The following FAM107B variants were observed in gnomAD, a reference collection of about 807,000 sequenced individuals.
FAM107B encodes family with sequence similarity 107 member B.
A neutral mutation model predicts 31.5 loss-of-function variants in FAM107B; 21 were observed. The ratio of observed to expected loss-of-function variants is 0.67; its 90% confidence interval spans 0.47 to 0.96. The LOEUF (loss-of-function observed/expected upper bound fraction) is 0.96. FAM107B is among the 40% of genes least tolerant of loss of function. The probability of loss-of-function intolerance (pLI) is 0.00; values close to 1 mark genes in which losing one functional copy is unlikely to be tolerated. For missense variants in FAM107B, 452 were observed against 377.1 expected (o/e 1.20, Z -1.64); for synonymous variants, 157 against 141.5 (o/e 1.11, Z -0.78).
rs146635770 is a variant in FAM107B, at chr10:14,743,085, C to T, written c.411+31168G>A. Among the ~76,000 whole-genome samples, 2 of 152,288 alleles carry T rather than the reference C, an allele frequency of 1.3e-5. 1 individual carries two copies. The highest frequency in any genetic ancestry group is 2.9e-5 in the Non-Finnish European group (2 of 68,030). Reference sequence around the variant, plus strand: ...CCTTCACTGGCATTAGATGGTCTCTCATTGTGGTTTTGATTTACATTTCTC... The same window carrying T: ...CCTTCACTGGCATTAGATGGTCTCTTATTGTGGTTTTGATTTACATTTCTC... On this transcript the variant is annotated intron_variant, in intron 1 of 4. Coordinates refer to ENST00000181796, the MANE Select transcript of FAM107B (RefSeq NM_031453.4).
At chr10:14,772,913 C>T (rs779303147) in intron 1 of FAM107B, among the ~76,000 whole-genome samples, 2 of 152,176 alleles carry the variant, frequency 1.3e-5, no homozygotes, top group Non-Finnish European at 2.9e-5. Context: ...TAAGGTGGGT[C>T]TGCATTGCTC....
chr10:14,593,462 G>T (rs1184458581), intron 2 of FAM107B, among the ~76,000 whole-genome samples: 1 of 152,144 alleles, frequency 6.6e-6, no homozygotes, highest in South Asian at 2.1e-4. Flanking sequence ...CGGATCACTT[G>T]AGGCCAGGAA....
intron 1 of FAM107B, among the ~76,000 whole-genome samples, chr10:14,676,549 T>A (rs1012053014): frequency 3.9e-5 from 6 of 152,180 alleles, no homozygotes; most frequent in African/African-American, 1.4e-4. Flanking sequence ...CATCCCACAA[T>A]AAAAATTCAA....
chr10:14,707,350 CCCACAATGA>C (rs1458820922), intron 1 of FAM107B, among the ~76,000 whole-genome samples: 5 of 80,034 alleles, frequency 6.2e-5, no homozygotes, highest in African/African-American at 2.6e-4. Flanking sequence ...CAATTGCGTT[CCCACAATGA>C]CATTCTCAAA....
chr10:14,673,935 CT>C (rs1588697964), intron 1 of FAM107B, among the ~76,000 whole-genome samples: 1 of 152,072 alleles, frequency 6.6e-6, no homozygotes, highest in East Asian at 1.9e-4. Flanking sequence ...CTATTCCAAT[CT>C]TTTGCCTATT....
intron 2 of FAM107B, chr10:14,663,611 T>C (rs991902764): frequency 2.0e-5 from 3 of 152,358 alleles, no homozygotes; most frequent in African/African-American, 4.8e-5. Context: ...AATGGGCTAA[T>C]GTATCCATGA....
At chr10:14,665,679 C>T (rs1854385453) in intron 2 of FAM107B, among the ~76,000 whole-genome samples, 1 of 152,162 alleles carries the variant, frequency 6.6e-6, no homozygotes, top group African/African-American at 2.4e-5. Context: ...ATGTAAGCTC[C>T]ACCACTGCCC....
intron 2 of FAM107B, among the ~76,000 whole-genome samples, chr10:14,656,893 T>C (rs1854072562): frequency 6.6e-6 from 1 of 152,204 alleles, no homozygotes; most frequent in Non-Finnish European, 1.5e-5. Context: ...TTCTGGAAAG[T>C]TCCATGCCTC....
At chr10:14,637,100 G>A (rs554614723) in intron 2 of FAM107B, among the ~76,000 whole-genome samples, 51 of 152,158 alleles carry the variant, frequency 3.4e-4, no homozygotes, top group Non-Finnish European at 1.8e-4. Context: ...TCCTACTCAG[G>A]GCTCATGCAG....
At chr10:14,683,943 T>C (rs1267890901) in intron 1 of FAM107B, among the ~76,000 whole-genome samples, 1 of 152,212 alleles carries the variant, frequency 6.6e-6, no homozygotes, top group Non-Finnish European at 1.5e-5. Flanking sequence ...GAGAAGCGTG[T>C]CTTAGGCCAT....
chr10:14,600,780 C>T (rs752683059), intron 2 of FAM107B, among the ~76,000 whole-genome samples: 5 of 152,152 alleles, frequency 3.3e-5, no homozygotes, highest in Admixed American at 2.0e-4. Context: ...GCTGGGACTA[C>T]AGGCATGCAC....
chr10:14,589,165 G>C (rs1174018803), intron 2 of FAM107B, among the ~76,000 whole-genome samples: 1 of 143,924 alleles, frequency 6.9e-6, no homozygotes, highest in Non-Finnish European at 1.5e-5. Context: ...GACACACCGA[G>C]ACTGTCTCAA....
intron 1 of FAM107B, among the ~76,000 whole-genome samples, chr10:14,707,387 T>C (rs1855547025): frequency 7.6e-6 from 1 of 131,656 alleles, no homozygotes; most frequent in African/African-American, 2.9e-5. Context: ...AAAGAGGGAC[T>C]GCATCATCAC....
intron 2 of FAM107B, among the ~76,000 whole-genome samples, chr10:14,537,181 C>G (rs1847705935): frequency 6.6e-6 from 1 of 152,156 alleles, no homozygotes; most frequent in African/African-American, 2.4e-5. Flanking sequence ...CAGAGTGGAG[C>G]AGCCATGCCC....
At chr10:14,689,379 C>A (rs1489316416) in intron 1 of FAM107B, among the ~76,000 whole-genome samples, 10 of 128,702 alleles carry the variant, frequency 7.8e-5, no homozygotes, top group South Asian at 5.1e-4. Context: ...GACCCTATCT[C>A]AAAAAAAAAA....
intron 2 of FAM107B, among the ~76,000 whole-genome samples, chr10:14,532,239 A>G (rs7092817): frequency 0.12 from 18,585 of 152,002 alleles, 1,248 homozygotes; most frequent in Non-Finnish European, 0.16. Context: ...CTTTCCTCAA[A>G]TGTCACCTTC....
At chr10:14,737,906 T>C (rs1217817912) in intron 1 of FAM107B, among the ~76,000 whole-genome samples, 5 of 152,216 alleles carry the variant, frequency 3.3e-5, no homozygotes, top group South Asian at 2.1e-4. Flanking sequence ...GACGATGTTA[T>C]ACAATGTGCT....
chr10:14,609,665 G>C (rs1852679482), intron 2 of FAM107B, among the ~76,000 whole-genome samples: 1 of 152,224 alleles, frequency 6.6e-6, no homozygotes, highest in African/African-American at 2.4e-5. Context: ...ACAGGTAACT[G>C]ACTTGAGACC....
At chr10:14,739,951 T>G (rs1374743756) in intron 1 of FAM107B, among the ~76,000 whole-genome samples, 1 of 152,174 alleles carries the variant, frequency 6.6e-6, no homozygotes, top group Non-Finnish European at 1.5e-5. Flanking sequence ...TGGCTGAAAT[T>G]TATGCACTGA....
Sources: gnomAD v4.1 joint callset for allele counts (sites outside exome capture counted in the v4.1 genomes callset) on GRCh38, gnomAD v4.1.1 for gene constraint, MANE v1.5 for transcripts, NCBI Gene and HGNC (gene_info 2026-07-23, HGNC 2026-07-21) for gene names.